DISC1: variants seen among roughly 807,000 people sequenced by gnomAD.
DISC1 encodes the protein disrupted in schizophrenia 1 protein.
A neutral mutation model predicts 84.5 loss-of-function variants in DISC1; 57 were observed. The observed-to-expected ratio is 0.67, with a 90% confidence interval of 0.55 to 0.84. The LOEUF (loss-of-function observed/expected upper bound fraction) is 0.84. DISC1 is among the 40% of genes least tolerant of loss of function. DISC1 has a pLI of 0.00. For missense variants in DISC1, 1,000 were observed against 1,057.8 expected, an observed-to-expected ratio of 0.95 and a Z score of 0.76; for synonymous variants, 411 against 415.2, an observed-to-expected ratio of 0.99 and a Z score of 0.12.
intron 10 of DISC1, among the ~76,000 whole-genome samples, chr1:231,968,233 A>C (rs1661369752): frequency 6.6e-6 from 1 of 152,166 alleles, no homozygotes; most frequent in South Asian, 2.1e-4. Context: ...ATCTGCATGC[A>C]GTTCTTCGGA....
chr1:231,634,504 A>G (rs1017321282), intron 1 of DISC1, among the ~76,000 whole-genome samples: 60 of 152,326 alleles, frequency 3.9e-4, no homozygotes, highest in African/African-American at 1.4e-3. Context: ...TTATAGCTGC[A>G]GGCCAAGCAA....
At chr1:231,700,836 G>C (rs2066325216) in intron 2 of DISC1, among the ~76,000 whole-genome samples, 1 of 152,210 alleles carries the variant, frequency 6.6e-6, no homozygotes, top group South Asian at 2.1e-4. Flanking sequence ...ATTTAACACA[G>C]ACTGGAGGAG....
intron 8 of DISC1, among the ~76,000 whole-genome samples, chr1:231,808,983 G>A (rs1384068896): frequency 6.6e-6 from 1 of 152,204 alleles, no homozygotes; most frequent in African/African-American, 2.4e-5. Context: ...TAGGAATGAA[G>A]CATCATGCAG....
chr1:231,856,422 G>A (rs1237874647), intron 9 of DISC1, among the ~76,000 whole-genome samples: 1 of 152,146 alleles, frequency 6.6e-6, no homozygotes, highest in Admixed American at 6.5e-5. Context: ...TTGCTGAAAC[G>A]ATATTGTGGA....
At chr1:231,840,870 G>A (rs1450077168) in intron 9 of DISC1, among the ~76,000 whole-genome samples, 1 of 152,088 alleles carries the variant, frequency 6.6e-6, no homozygotes, top group Non-Finnish European at 1.5e-5. Flanking sequence ...ACAAGTTACA[G>A]CCCATAGAAC....
At chr1:231,752,040 T>C (rs1444755037) in intron 4 of DISC1, among the ~76,000 whole-genome samples, 1 of 152,218 alleles carries the variant, frequency 6.6e-6, no homozygotes, top group Non-Finnish European at 1.5e-5. Context: ...AGGTGAGTGC[T>C]GAGGGAGACA....
chr1:231,981,928 G>A (rs1414916929), intron 10 of DISC1, among the ~76,000 whole-genome samples: 1 of 152,200 alleles, frequency 6.6e-6, no homozygotes, highest in Non-Finnish European at 1.5e-5. Context: ...GAAACAAGTA[G>A]CAGTTGGTAT....
chr1:231,864,954 TTC>T (rs2084946779), intron 9 of DISC1, among the ~76,000 whole-genome samples: 1 of 152,182 alleles, frequency 6.6e-6, no homozygotes, highest in Non-Finnish European at 1.5e-5. Context: ...CTTTGAAAGT[TTC>T]TCAGTTATGT....
chr1:231,823,805 G>A (rs963120398), intron 9 of DISC1, among the ~76,000 whole-genome samples: 4 of 152,032 alleles, frequency 2.6e-5, no homozygotes, highest in African/African-American at 9.7e-5. Context: ...AACATGTTGG[G>A]GATCCCTTCA....
At chr1:231,666,118 C>A (rs1011835498) in intron 1 of DISC1, among the ~76,000 whole-genome samples, 6 of 152,072 alleles carry the variant, frequency 3.9e-5, no homozygotes, top group African/African-American at 1.4e-4. Context: ...AATGTTAGAT[C>A]TCTTCAATGC....
At chr1:231,721,602 A>G (rs1383219068) in intron 3 of DISC1, among the ~76,000 whole-genome samples, 2 of 146,980 alleles carry the variant, frequency 1.4e-5, no homozygotes, top group Non-Finnish European at 3.1e-5. Context: ...GGTTGCTGAT[A>G]TTTACAGCTG....
chr1:231,702,435 T>TAAA lies in DISC1; in HGVS notation c.1117+412_1117+414dup, dbSNP rs1387604039. The TAAA allele has an allele frequency of 4.0e-6, 4 of 990,024 alleles. No individual in the cohort carries two copies. In the African/African-American group the frequency reaches 7.0e-5, roughly 17 times the overall value. The allele number at this position is 990,024 out of a possible 1,614,324, so 61.3% of individuals were successfully genotyped here. On this transcript the variant is annotated intron_variant, in intron 3 of 12. Coordinates refer to ENST00000439617, the MANE Select transcript of DISC1 (RefSeq NM_018662.3). ...ATGGTATCTGCCCTTGTGATGCCAGTAAACTTAAGCCTTCATGGGGCTCTC... is the reference window on the plus strand; with the variant it reads ...ATGGTATCTGCCCTTGTGATGCCAGTAAAAAACTTAAGCCTTCATGGGGCTCTC...
At chr1:231,658,055 A>G (rs1343231561) in intron 1 of DISC1, among the ~76,000 whole-genome samples, 1 of 152,234 alleles carries the variant, frequency 6.6e-6, no homozygotes, top group Admixed American at 6.5e-5. Context: ...CATTGAATCT[A>G]TAAATTGCTT....
At chr1:231,882,606 T>C (rs951669533) in intron 9 of DISC1, among the ~76,000 whole-genome samples, 5 of 152,338 alleles carry the variant, frequency 3.3e-5, no homozygotes, top group Non-Finnish European at 5.9e-5. Flanking sequence ...ATCATGCTAC[T>C]GTACCTGCAT....
chr1:232,011,941 C>T (rs1007787667), intron 11 of DISC1, among the ~76,000 whole-genome samples: 11 of 152,034 alleles, frequency 7.2e-5, no homozygotes, highest in Non-Finnish European at 1.0e-4. Context: ...TCTTACAGGC[C>T]GCATCTCCAC....
intron 9 of DISC1, among the ~76,000 whole-genome samples, chr1:231,851,397 T>C (rs2083887925): frequency 6.6e-6 from 1 of 152,094 alleles, no homozygotes; most frequent in Non-Finnish European, 1.5e-5. Flanking sequence ...TCTCGCAGAG[T>C]TGGGGCGATA....
At chr1:231,768,049 G>A (rs1250446800) in intron 5 of DISC1, among the ~76,000 whole-genome samples, 1 of 152,172 alleles carries the variant, frequency 6.6e-6, no homozygotes, top group Non-Finnish European at 1.5e-5. Context: ...CAGAACAGAG[G>A]ATGCAAGTTG....
chr1:231,903,068 A>T (rs1368252684), intron 9 of DISC1, among the ~76,000 whole-genome samples: 211 of 134,930 alleles, frequency 1.6e-3, no homozygotes, highest in South Asian at 1.2e-3. Context: ...TCTCTCTCTC[A>T]TTTTTTTTTT....
chr1:231,723,309 C>G (rs987526042), intron 3 of DISC1: 2 of 985,960 alleles, frequency 2.0e-6, no homozygotes, highest in African/African-American at 3.5e-5. Flanking sequence ...AAGGGTCAAC[C>G]ATAACTGCAG....
Sources: gnomAD v4.1 joint callset for allele counts (sites outside exome capture counted in the v4.1 genomes callset) on GRCh38, gnomAD v4.1.1 for gene constraint, MANE v1.5 for transcripts, NCBI Gene and HGNC (gene_info 2026-07-23, HGNC 2026-07-21) for gene names.